The following CDH3 variants were observed in gnomAD, a reference collection of about 807,000 sequenced individuals.
The protein encoded by CDH3 is cadherin-3.
A neutral mutation model predicts 82.0 loss-of-function variants in CDH3; 54 were observed. The observed-to-expected ratio is 0.66, with a 90% confidence interval of 0.53 to 0.83. CDH3 has a LOEUF of 0.83. Among genes scored for constraint, CDH3 ranks in the 40% least tolerant of loss-of-function variants. The pLI, the probability that CDH3 is intolerant of heterozygous loss-of-function variation, is 0.00. For missense variants in CDH3, 1,054 were observed against 1,084.6 expected (o/e 0.97, Z 0.40); for synonymous variants, 446 against 437.9 (o/e 1.02, Z -0.23).
downstream of CDH3, among the ~76,000 whole-genome samples, chr16:68,730,231 T>TA (rs35972238): frequency 0.01 from 1,366 of 133,702 alleles, 29 homozygotes; most frequent in African/African-American, 0.037. Flanking sequence ...AGACTCCACC[T>TA]AAAAAAAAAA....
intron 2 of CDH3, among the ~76,000 whole-genome samples, chr16:68,646,946 T>C (rs1391721873): frequency 6.6e-6 from 1 of 151,728 alleles, no homozygotes. Context: ...AAAAGAGGAT[T>C]GAGGACCTTG....
At chr16:68,703,895 C>T (rs910524141), downstream of CDH3, among the ~76,000 whole-genome samples, 3 of 151,960 alleles carry the variant, frequency 2.0e-5, no homozygotes, top group Non-Finnish European at 4.4e-5. Context: ...TGCAGTGAGC[C>T]GAGATCGTGC....
At chr16:68,710,689 CA>C (rs1204324428) in intron 1 of CDH3, among the ~76,000 whole-genome samples, 1 of 151,352 alleles carries the variant, frequency 6.6e-6, no homozygotes, top group East Asian at 2.0e-4. Context: ...ACTAAAAATA[CA>C]AAAATTAGCC....
downstream of CDH3, among the ~76,000 whole-genome samples, chr16:68,701,477 G>T (rs1200313410): frequency 6.6e-6 from 1 of 151,864 alleles, no homozygotes; most frequent in Non-Finnish European, 1.5e-5. Flanking sequence ...TCGGTCCTTT[G>T]AATTTTGTGT....
At chr16:68,680,912 G>T in intron 7 of CDH3, 56 bp from the exon 8 acceptor site, 2 of 1,608,624 alleles carry the variant, frequency 1.2e-6, no homozygotes, top group South Asian at 1.1e-5. Flanking sequence ...TGGAGGTCAG[G>T]GGAGGGACCC....
At chr16:68,718,294 G>T (rs1381251771) in intron 1 of CDH3, among the ~76,000 whole-genome samples, 4 of 152,030 alleles carry the variant, frequency 2.6e-5, no homozygotes, top group Non-Finnish European at 5.9e-5. Flanking sequence ...GTGAGCCACC[G>T]AACTGGCTAA....
At chr16:68,716,620 CAAAAAA>C (rs563385107) in intron 1 of CDH3, among the ~76,000 whole-genome samples, 4 of 103,172 alleles carry the variant, frequency 3.9e-5, no homozygotes, top group East Asian at 5.3e-4. Flanking sequence ...GACTCCGGCT[CAAAAAA>C]AAAAAAAAAA....
downstream of CDH3, among the ~76,000 whole-genome samples, chr16:68,701,508 C>T (rs1392184718): frequency 2.6e-5 from 4 of 151,862 alleles, no homozygotes; most frequent in Non-Finnish European, 2.9e-5. Flanking sequence ...TGGTGTGCCT[C>T]CTTCCAGGAT....
At chr16:68,711,053 G>C (rs960933536) in intron 1 of CDH3, among the ~76,000 whole-genome samples, 1 of 150,718 alleles carries the variant, frequency 6.6e-6, no homozygotes, top group African/African-American at 2.4e-5. Context: ...GCTCATGCCT[G>C]TAATCCCAGC....
At chr16:68,691,647 A>C in intron 12 of CDH3, 73 bp from the exon 13 acceptor site, 2 of 1,213,646 alleles carry the variant, frequency 1.6e-6, no homozygotes, top group East Asian at 4.6e-5. Flanking sequence ...CGTATTCTCA[A>C]ACTTTCTTCA....
At chr16:68,682,623 C>T in intron 9 of CDH3, 136 bp downstream of exon 9, 1 of 814,340 alleles carries the variant, frequency 1.2e-6, no homozygotes, top group Non-Finnish European at 2.1e-6. Flanking sequence ...ACTGTTCTAC[C>T]ACTCTTGTGT....
At chr16:68,718,991 C>G (rs925736138) in intron 1 of CDH3, among the ~76,000 whole-genome samples, 19 of 152,100 alleles carry the variant, frequency 1.2e-4, no homozygotes, top group African/African-American at 4.6e-4. Context: ...GCCTGTAATC[C>G]CAGCACTTTG....
chr16:68,689,924 A>G (rs1034272030), intron 12 of CDH3, among the ~76,000 whole-genome samples: 1 of 152,194 alleles, frequency 6.6e-6, no homozygotes, highest in African/African-American at 2.4e-5. Context: ...GAAACCCGCA[A>G]TGCTGTGGCA....
intron 2 of CDH3, among the ~76,000 whole-genome samples, chr16:68,657,231 G>A (rs1043414440): frequency 3.7e-4 from 56 of 152,244 alleles, no homozygotes; most frequent in Non-Finnish European, 6.0e-4. Context: ...AAAGCCAAAC[G>A]GGCTCGGTGT....
intron 2 of CDH3, among the ~76,000 whole-genome samples, chr16:68,647,400 G>C (rs1422690157): frequency 6.6e-6 from 1 of 152,128 alleles, no homozygotes; most frequent in African/African-American, 2.4e-5. Flanking sequence ...GGTTTTGGGG[G>C]GAAGCAGTGA....
intron 12 of CDH3, among the ~76,000 whole-genome samples, chr16:68,688,444 C>A (rs755380717): frequency 1.3e-5 from 2 of 151,924 alleles, no homozygotes; most frequent in Admixed American, 1.3e-4. Context: ...AAAAATTAGC[C>A]AGGCATGGTG....
At chr16:68,731,047 A>AAAATATAT (rs1962279500), downstream of CDH3, among the ~76,000 whole-genome samples, 2 of 26,350 alleles carry the variant, frequency 7.6e-5, no homozygotes, top group Non-Finnish European at 1.3e-4. Context: ...AAAAAAAAAA[A>AAAATATAT]ATATATATAT....
chr16:68,650,308 T>G (rs2152089341), intron 2 of CDH3, among the ~76,000 whole-genome samples: 1 of 152,210 alleles, frequency 6.6e-6, no homozygotes, highest in African/African-American at 2.4e-5. Flanking sequence ...AATATATATA[T>G]TTTTTCTTTT....
At chr16:68,714,631 G>A (rs937512711) in intron 1 of CDH3, among the ~76,000 whole-genome samples, 11 of 152,122 alleles carry the variant, frequency 7.2e-5, no homozygotes, top group Admixed American at 2.6e-4. Context: ...CTGTGATCTC[G>A]CCCACCGAAG....
Sources: gnomAD v4.1 joint callset for allele counts (sites outside exome capture counted in the v4.1 genomes callset) on GRCh38, gnomAD v4.1.1 for gene constraint, MANE v1.5 for transcripts, NCBI Gene and HGNC (gene_info 2026-07-23, HGNC 2026-07-21) for gene names.